The following ESX1 variants were observed in gnomAD, a reference collection of about 807,000 sequenced individuals.
ESX1 encodes homeobox protein ESX1.
In ESX1, 2 loss-of-function variants were observed where a neutral mutation model predicts 13.2. That is an observed-to-expected ratio of 0.15 (90% CI 0.06 to 0.48). The LOEUF (loss-of-function observed/expected upper bound fraction) is 0.48, where lower values mean the gene tolerates loss of function less well. Ranked by LOEUF, ESX1 falls within the 20% of genes least tolerant of loss-of-function variation. The pLI, the probability that ESX1 is intolerant of heterozygous loss-of-function variation, is 0.97. For synonymous variants in ESX1, 157 were observed against 163.1 expected, an observed-to-expected ratio of 0.96 and a Z score of 0.29; for missense variants, 307 against 379.0, an observed-to-expected ratio of 0.81 and a Z score of 1.58.
chrX:104,254,825 G>A lies in ESX1; in HGVS notation c.25C>T (p.His9Tyr), dbSNP rs1556395638. Residue 9 changes from histidine (H) to tyrosine (Y), a missense_variant, in exon 1 of 4, where the codon CAC becomes TAC. His to Tyr is a moderately conservative substitution (Grantham distance 83). Coordinates refer to ENST00000372588, the MANE Select transcript of ESX1 (RefSeq NM_153448.4). ...AGGCTGCGGTAGCCAATATCACTGT[G>A]GGTGTACCCGCGAAGAGACTCCATG... The part of the protein sequence containing the change: MESLRGYT[H>Y]SDIGYRSLAV... 1.7e-6 allele frequency: 2 copies of A among 1,209,800 alleles called. No individual in the cohort carries two copies. The highest frequency in any genetic ancestry group is 3.5e-5 in the South Asian group (2 of 56,975).
Position 104,254,797 on chromosome X carries a change from G to A in ESX1, c.53C>T (p.Ala18Val), listed in dbSNP as rs1923292504. 2.5e-6 allele frequency: 3 copies of A among 1,210,628 alleles called. No individual in the cohort carries two copies. The highest frequency in any genetic ancestry group is 1.7e-5 in the African/African-American group (1 of 57,869). Residue 18 changes from alanine to valine, a missense_variant, in exon 1 of 4, where the codon GCA becomes GTA. By Grantham distance (64) the Ala-to-Val change is moderately conservative. Transcript: ENST00000372588. ...THSDIGYRSLAVGEDIEEVND... is the reference protein window; with the variant it reads ...THSDIGYRSLVVGEDIEEVND... ...CACTTCCTCGATGTCCTCGCCGACT[G>A]CCAGGCTGCGGTAGCCAATATCACT...
At position 104,254,807 on chromosome X, in the gene ESX1, G is replaced by A; in HGVS notation, c.43C>T (p.Arg15Cys). Residue 15 changes from arginine to cysteine, a missense_variant, in exon 1 of 4, where the codon CGC becomes TGC. Coordinates refer to ENST00000372588, the MANE Select transcript of ESX1 (RefSeq NM_153448.4). ...ATGTCCTCGCCGACTGCCAGGCTGC[G>A]GTAGCCAATATCACTGTGGGTGTAC... ...RGYTHSDIGY[R>C]SLAVGEDIEE... 6 of 1,210,851 alleles carry A rather than the reference G, an allele frequency of 5.0e-6. No individual in the cohort carries two copies. The highest frequency in any genetic ancestry group is 6.7e-6 in the Non-Finnish European group (6 of 894,558).
In ESX1 at chrX:104,254,257, G is replaced by T. The variant is rs1923262723; in HGVS notation, c.403C>A (p.Pro135Thr). ...CGGCGGCGGCGTTTCCTCTCTGGGG[G>T]CTGTGGTCCCTCAGCGGTTTGTGGC... ...EGPQTAEGPQ[P>T]PERKRRRRTA... The change falls in exon 2 of 4, where the codon CCC becomes ACC. Residue 135 changes from proline (P) to threonine (T), a missense_variant. By Grantham distance (38) the Pro-to-Thr change is conservative. Transcript: ENST00000372588. 2.5e-6 allele frequency: 3 copies of T among 1,212,181 alleles called. No homozygotes were observed. Among genetic ancestry groups the T allele is most frequent in the Non-Finnish European group, 3.3e-6 (3 of 895,571 alleles).
chrX:104,252,697 C>T (rs1923213500), intron 3 of ESX1, 86 bp downstream of exon 3: 1 of 944,638 alleles, frequency 1.1e-6, no homozygotes, highest in Non-Finnish European at 1.5e-6. Flanking sequence ...CAACAGAAAA[C>T]ACCAGCTTGA....
At chrX:104,254,119 G>T (rs1156230342) in intron 2 of ESX1, 35 bp downstream of exon 2, 31 of 1,168,980 alleles carry the variant, frequency 2.7e-5, no homozygotes, top group Non-Finnish European at 3.5e-5. Flanking sequence ...AAGGGTCCCG[G>T]GATGAACTGG....
intron 3 of ESX1, 66 bp from the exon 4 acceptor site, chrX:104,250,962 T>A: frequency 1.0e-6 from 1 of 962,360 alleles, no homozygotes. Context: ...GAAAAAAACA[T>A]AACATGGAAT....
At chrX:104,250,919 G>C in intron 3 of ESX1, 23 bp from the exon 4 acceptor site, 1 of 1,156,821 alleles carries the variant, frequency 8.6e-7, no homozygotes, top group Non-Finnish European at 1.2e-6. Context: ...AAAATGAATT[G>C]GTTTAGTATT....
chrX:104,253,641 C>A (rs782760146), intron 2 of ESX1, among the ~76,000 whole-genome samples: 1 of 110,469 alleles, frequency 9.1e-6, no homozygotes, highest in Non-Finnish European at 1.9e-5. Context: ...CCCCCCGCCC[C>A]CCATTCCAGC....
In ESX1 at chrX:104,254,503, A is replaced by C. The variant is rs1352072917; in HGVS notation, c.157T>G (p.Tyr53Asp). The C allele has an allele frequency of 5.0e-6, 6 of 1,209,253 alleles. No individual in the cohort carries two copies. Among genetic ancestry groups the C allele is most frequent in the Non-Finnish European group, 6.7e-6 (6 of 895,019 alleles). ...ACGTTGTTTTCCGCTTCTGTTCCGTACTCAGGTTTGGACCGTGTATTCTCC... is the reference window on the plus strand; with the variant it reads ...ACGTTGTTTTCCGCTTCTGTTCCGTCCTCAGGTTTGGACCGTGTATTCTCC... ...DEENTRSKPE[Y>D]GTEAENNVGT... is the part of the protein sequence containing the mutation. Residue 53 changes from tyrosine to aspartate, a missense_variant, in exon 2 of 4, where the codon TAC (tyrosine) becomes GAC (aspartate). By Grantham distance (160) the Tyr-to-Asp change is radical (BLOSUM62 -3). Transcript: ENST00000372588.
chrX:104,254,832 C>G lies in ESX1; in HGVS notation c.18G>C (p.Gly6=), dbSNP rs147351224. MESLR[G]YTHSDIGYRS... ...GGTAGCCAATATCACTGTGGGTGTA[C>G]CCGCGAAGAGACTCCATGCTTCAAG... The change falls in exon 1 of 4, where the codon GGG becomes GGC. Residue 6 remains glycine (G), a synonymous_variant. Transcript: ENST00000372588. 21 of 1,207,461 alleles carry G rather than the reference C, an allele frequency of 1.7e-5. No individual in the cohort carries two copies. The African/African-American group carries it at 3.0e-4, about 17-fold the overall frequency.
In ESX1 at chrX:104,250,551, T is replaced by C; in HGVS notation, c.898A>G (p.Met300Val). Reference protein sequence around the residue: ...RMAPVPPWPPMAPVPPWPPMA... With the variant: ...RMAPVPPWPPVAPVPPWPPMA... ...GGCGGCCAGGGTGGCACAGGCGCCA[T>C]GGGCGGCCAGGGTGGCACAGGCGCC... Residue 300 changes from methionine to valine, a missense_variant, in exon 4 of 4, where the codon ATG (methionine) becomes GTG (valine). By Grantham distance (21) the Met-to-Val change is conservative (BLOSUM62 1). Coordinates refer to ENST00000372588, the MANE Select transcript of ESX1 (RefSeq NM_153448.4). 8.8e-7 allele frequency: 1 copy of C among 1,140,855 alleles called. No individual in the cohort carries two copies. Among genetic ancestry groups the C allele is most frequent in the Non-Finnish European group, 1.2e-6 (1 of 860,970 alleles). 94.0% of individuals were successfully genotyped at this position (1,140,855 alleles called of 1,213,427 possible). A position where few individuals can be genotyped will look rare whatever the true frequency, so the allele number is the denominator to read the frequency against.
At chrX:104,252,654 T>C (rs1211386371) in intron 3 of ESX1, 129 bp downstream of exon 3, 1 of 634,013 alleles carries the variant, frequency 1.6e-6, no homozygotes, top group South Asian at 2.5e-5. Flanking sequence ...AAGCCCCTAC[T>C]GTTCAAAACT....
intron 2 of ESX1, among the ~76,000 whole-genome samples, chrX:104,253,449 T>C (rs782820859): frequency 9.0e-6 from 1 of 110,527 alleles, no homozygotes; most frequent in Non-Finnish European, 1.9e-5. Context: ...TTTAAAGCGC[T>C]GTATTGAACC....
chrX:104,254,202 T>C lies in ESX1; in HGVS notation c.458A>G (p.Glu153Gly), dbSNP rs1312881642. 1.7e-6 allele frequency: 2 copies of C among 1,210,169 alleles called. No homozygotes were observed. Among genetic ancestry groups the C allele is most frequent in the African/African-American group, 3.5e-5 (2 of 57,550 alleles). The change falls in exon 2 of 4, where the codon GAG (glutamate) becomes GGG (glycine). Residue 153 changes from glutamate (E) to glycine (G), a missense_variant. Coordinates refer to ENST00000372588, the MANE Select transcript of ESX1 (RefSeq NM_153448.4). Reference protein sequence around the residue: ...RTAFTQFQLQELENFFDESQY... With the variant: ...RTAFTQFQLQGLENFFDESQY... ...AGATTCATCGAAAAAGTTCTCTAGC[T>C]CCTGCAGCTGAAACTGCGTGAACGC...
At position 104,254,517 on chromosome X, in the gene ESX1, C is replaced by T; in HGVS notation, c.143G>A (p.Arg48Gln). The change falls in exon 2 of 4, where the codon CGG becomes CAG. Residue 48 changes from arginine to glutamine, a missense_variant. Physicochemically the swap from Arg to Gln is conservative, Grantham distance 43. This residue lies in a region of ESX1 where 152 missense variants were observed against 114.5 expected (regional missense o/e 1.33). Coordinates refer to ENST00000372588, the MANE Select transcript of ESX1 (RefSeq NM_153448.4). Reference sequence around the variant, plus strand: ...TTCTGTTCCGTACTCAGGTTTGGACCGTGTATTCTCCTCGTCCTCTCCTCC... The same window carrying T: ...TTCTGTTCCGTACTCAGGTTTGGACTGTGTATTCTCCTCGTCCTCTCCTCC... ...ARGGEDEENT[R>Q]SKPEYGTEAE... The T allele has an allele frequency of 8.3e-7, 1 of 1,211,740 alleles. No individual in the cohort carries two copies. The highest frequency in any genetic ancestry group is 3.0e-5 in the East Asian group (1 of 33,836).
chrX:104,250,721 C>T lies in ESX1; in HGVS notation c.728G>A (p.Arg243Lys). ...LCVHLVPQLP[R>K]PPVLPVPPMP... ...AGGTGGCACAGGCAGCACAGGTGGT[C>T]TAGGTAGTTGTGGCACCAGATGAAC... Residue 243 changes from arginine to lysine, a missense_variant, in exon 4 of 4, where the codon AGA becomes AAA. Transcript: ENST00000372588. 8.3e-7 allele frequency: 1 copy of T among 1,211,619 alleles called. No individual in the cohort carries two copies. The highest frequency in any genetic ancestry group is 1.1e-6 in the Non-Finnish European group (1 of 895,458).
At position 104,250,219 on chromosome X, in the gene ESX1, T is replaced by C. The variant is rs782093316; in HGVS notation, c.*9A>G. On this transcript the variant is annotated 3_prime_UTR_variant, in exon 4 of 4. Coordinates refer to ENST00000372588, the MANE Select transcript of ESX1 (RefSeq NM_153448.4). ...AGAACTTTGGAAAAACTGTTATGAA[T>C]ACCTTACTTTAGAAAAAGGGACATG... 6.6e-6 allele frequency: 8 copies of C among 1,204,440 alleles called. No homozygotes were observed. The highest frequency in any genetic ancestry group is 1.7e-5 in the African/African-American group (1 of 57,234).
At chrX:104,253,179 C>T (rs555786172) in intron 2 of ESX1, among the ~76,000 whole-genome samples, 1 of 107,647 alleles carries the variant, frequency 9.3e-6, no homozygotes, top group South Asian at 4.1e-4. Flanking sequence ...TATGAATGTA[C>T]ATTATTTCTC....
chrX:104,250,135 A>T lies in ESX1; in HGVS notation c.*93T>A. 1 of 1,004,006 alleles carries T rather than the reference A, an allele frequency of 1.0e-6. No homozygotes were observed. Among genetic ancestry groups the T allele is most frequent in the Non-Finnish European group, 1.3e-6 (1 of 757,035 alleles). The allele number at this position is 1,004,006 out of a possible 1,213,427, so 82.7% of individuals were successfully genotyped here. A position where few individuals can be genotyped will look rare whatever the true frequency, so the allele number is the denominator to read the frequency against. ...CTTTGTTCACCTACCCACTTCATTT[A>T]ACAAGCATCTAACGAATTACTTGAT... On this transcript the variant is annotated 3_prime_UTR_variant, in exon 4 of 4. Coordinates refer to ENST00000372588, the MANE Select transcript of ESX1 (RefSeq NM_153448.4).
Sources: gnomAD v4.1 joint callset for allele counts (sites outside exome capture counted in the v4.1 genomes callset) on GRCh38, gnomAD v4.1.1 for gene constraint, gnomAD v4.1.1 regional missense constraint, MANE v1.5 for transcripts, NCBI Gene and HGNC (gene_info 2026-07-23, HGNC 2026-07-21) for gene names.